The following BEND5 variants were observed in gnomAD, a reference collection of about 807,000 sequenced individuals.
BEND5 encodes BEN domain containing 5.
BEND5 carries 22 observed loss-of-function variants against 43.9 expected under a neutral mutation model. That is an observed-to-expected ratio of 0.50 (90% CI 0.36 to 0.72). The LOEUF is 0.72. Among genes scored for constraint, BEND5 ranks in the 30% least tolerant of loss-of-function variants. The pLI is 0.00. For synonymous variants in BEND5, 228 were observed against 225.9 expected, an observed-to-expected ratio of 1.01 and a Z score of -0.08; for missense variants, 428 against 550.6, an observed-to-expected ratio of 0.78 and a Z score of 2.23.
At chr1:48,776,562 G>GC in intron 1 of BEND5, 44 bp downstream of exon 1, 6 of 1,016,232 alleles carry the variant, frequency 5.9e-6, no homozygotes, top group Non-Finnish European at 7.7e-6. Flanking sequence ...CGGGGTCCCA[G>GC]CCCCCGCCCG....
In BEND5 at chr1:48,742,724, C is replaced by T. The variant is rs200112741; in HGVS notation, c.793G>A (p.Glu265Lys). 9.9e-6 allele frequency: 16 copies of T among 1,609,576 alleles called. No homozygotes were observed. The highest frequency in any genetic ancestry group is 5.1e-5 in the Admixed American group (3 of 59,382). Reference protein sequence around the residue: ...EKVKSECLEPEPELRSTFSEE... With the variant: ...EKVKSECLEPKPELRSTFSEE... ...CTGAAAGTGCTCCGTAACTCCGGCTCGGGCTCGAGACATTCTGACTTTACT... is the reference window on the plus strand; with the variant it reads ...CTGAAAGTGCTCCGTAACTCCGGCTTGGGCTCGAGACATTCTGACTTTACT... The change falls in exon 4 of 6, where the codon GAG (glutamate) becomes AAG (lysine). Residue 265 changes from glutamate (E) to lysine (K), a missense_variant. Physicochemically the swap from Glu to Lys is moderately conservative, Grantham distance 56. This residue lies in a region of BEND5 where 243 missense variants were observed against 286.4 expected (regional missense o/e 0.85). Transcript: ENST00000371833.
Position 48,757,485 on chromosome 1 carries a change from G to A in BEND5, c.745+1415C>T, listed in dbSNP as rs1486678516. ...TGGCCAAGGCAATGGTAGAGTTGGG[G>A]AGTGGACAAAGTCCAGCCTATGAAT... On this transcript the variant is annotated intron_variant, in intron 3 of 5. Coordinates refer to ENST00000371833, the MANE Select transcript of BEND5 (RefSeq NM_024603.4). Among the ~76,000 whole-genome samples, 5 of 152,186 alleles carry A rather than the reference G, an allele frequency of 3.3e-5. No homozygotes were observed. In the South Asian group the frequency reaches 6.2e-4, roughly 19 times the overall value.
intron 5 of BEND5, among the ~76,000 whole-genome samples, chr1:48,731,006 G>C (rs1648037868): frequency 6.6e-6 from 1 of 152,174 alleles, no homozygotes; most frequent in South Asian, 2.1e-4. Flanking sequence ...CTCTGCTATC[G>C]GGTAAGGAAC....
At chr1:48,754,244 G>A (rs768411149) in intron 3 of BEND5, among the ~76,000 whole-genome samples, 10 of 152,072 alleles carry the variant, frequency 6.6e-5, no homozygotes, top group Non-Finnish European at 1.3e-4. Flanking sequence ...CTCACACATG[G>A]GGGCTTACCC....
intron 1 of BEND5, among the ~76,000 whole-genome samples, chr1:48,767,983 A>G (rs1269989254): frequency 1.3e-5 from 2 of 152,316 alleles, no homozygotes; most frequent in East Asian, 3.9e-4. Context: ...TAATCCCTAC[A>G]ATAATGCTAC....
intron 3 of BEND5, among the ~76,000 whole-genome samples, chr1:48,745,278 G>A (rs1466182510): frequency 6.6e-6 from 1 of 152,200 alleles, no homozygotes; most frequent in Non-Finnish European, 1.5e-5. Context: ...GGACAGGTGG[G>A]AAGCTGTTCT....
Position 48,742,781 on chromosome 1 carries a change from T to A in BEND5, c.746-10A>T, listed in dbSNP as rs771499627. Reference sequence around the variant, plus strand: ...AGATCAATGGCGGGACCTAGGCAGTTAAGAAAAGAAATCTGTCTAGAACTC... The same window carrying A: ...AGATCAATGGCGGGACCTAGGCAGTAAAGAAAAGAAATCTGTCTAGAACTC... On this transcript the variant is annotated splice_polypyrimidine_tract_variant and intron_variant, in intron 3 of 5. Transcript: ENST00000371833. 6.4e-7 allele frequency: 1 copy of A among 1,554,052 alleles called. No individual in the cohort carries two copies. Among genetic ancestry groups the A allele is most frequent in the Non-Finnish European group, 8.7e-7 (1 of 1,146,108 alleles).
chr1:48,759,389 C>T, intron 2 of BEND5, 105 bp from the exon 3 acceptor site: 2 of 1,459,106 alleles, frequency 1.4e-6, no homozygotes, highest in South Asian at 1.4e-5. Context: ...AATCACAGAA[C>T]ATCAGTGCTT....
At chr1:48,728,738 A>G (rs1343966626) in intron 5 of BEND5, among the ~76,000 whole-genome samples, 1 of 152,224 alleles carries the variant, frequency 6.6e-6, no homozygotes, top group African/African-American at 2.4e-5. Context: ...AGATGTGTGC[A>G]TATTCAACTT....
chr1:48,728,047 G>C lies in BEND5; in HGVS notation c.1109-4C>G. The C allele has an allele frequency of 1.3e-6, 2 of 1,582,238 alleles. No homozygotes were observed. The highest frequency in any genetic ancestry group is 1.7e-6 in the Non-Finnish European group (2 of 1,161,310). ...GCTATTCTGTCATACAAACACTCTAGACGGGGAGAAGAAACAAGGCCAAGG... is the reference window on the plus strand; with the variant it reads ...GCTATTCTGTCATACAAACACTCTACACGGGGAGAAGAAACAAGGCCAAGG... On this transcript the variant is annotated splice_region_variant and splice_polypyrimidine_tract_variant and intron_variant, in intron 5 of 5. Coordinates refer to ENST00000371833, the MANE Select transcript of BEND5 (RefSeq NM_024603.4).
intron 4 of BEND5, among the ~76,000 whole-genome samples, chr1:48,740,135 A>T (rs1056850766): frequency 7.9e-5 from 12 of 152,226 alleles, no homozygotes; most frequent in Non-Finnish European, 1.3e-4. Flanking sequence ...ACATTCACTC[A>T]AGTACAAGGC....
chr1:48,772,242 G>T (rs868612564), intron 1 of BEND5, among the ~76,000 whole-genome samples: 15 of 152,206 alleles, frequency 9.9e-5, no homozygotes, highest in African/African-American at 3.4e-4. Flanking sequence ...CAAAACCAAA[G>T]TGAAAAGAGA....
chr1:48,759,396 G>T (rs1644134398), intron 2 of BEND5, 112 bp from the exon 3 acceptor site: 1 of 1,443,896 alleles, frequency 6.9e-7, no homozygotes, highest in Non-Finnish European at 9.1e-7. Context: ...GAACATCAGT[G>T]CTTGGAGAAA....
At chr1:48,771,737 C>T (rs896605402) in intron 1 of BEND5, among the ~76,000 whole-genome samples, 4 of 152,214 alleles carry the variant, frequency 2.6e-5, no homozygotes, top group African/African-American at 9.6e-5. Context: ...TCACTGCTAA[C>T]TTTGTAGAAG....
chr1:48,731,348 TC>T (rs1648093667), intron 5 of BEND5, among the ~76,000 whole-genome samples: 1 of 152,230 alleles, frequency 6.6e-6, no homozygotes, highest in South Asian at 2.1e-4. Flanking sequence ...AAAGCCCAGT[TC>T]AGCTTGGCTG....
intron 1 of BEND5, among the ~76,000 whole-genome samples, chr1:48,773,404 A>C (rs1359626187): frequency 6.6e-6 from 1 of 152,122 alleles, no homozygotes; most frequent in Non-Finnish European, 1.5e-5. Context: ...GGTGAGTCAA[A>C]CTTTGAGTTA....
At chr1:48,768,942 T>C (rs916880671) in intron 1 of BEND5, among the ~76,000 whole-genome samples, 1 of 152,184 alleles carries the variant, frequency 6.6e-6, no homozygotes, top group African/African-American at 2.4e-5. Context: ...GTTTCAAGGA[T>C]TGTACCCAGC....
intron 3 of BEND5, among the ~76,000 whole-genome samples, chr1:48,745,047 T>C (rs1650523435): frequency 6.6e-6 from 1 of 152,248 alleles, no homozygotes; most frequent in African/African-American, 2.4e-5. Context: ...TTTGCAATCA[T>C]CTGCCTGTCG....
intron 4 of BEND5, among the ~76,000 whole-genome samples, chr1:48,741,931 T>G (rs1246721022): frequency 6.6e-6 from 1 of 152,206 alleles, no homozygotes; most frequent in Non-Finnish European, 1.5e-5. Context: ...TCAGAAAAAT[T>G]TCCTCCCCTG....
Sources: gnomAD v4.1 joint callset for allele counts (sites outside exome capture counted in the v4.1 genomes callset) on GRCh38, gnomAD v4.1.1 for gene constraint, gnomAD v4.1.1 regional missense constraint, MANE v1.5 for transcripts, NCBI Gene and HGNC (gene_info 2026-07-23, HGNC 2026-07-21) for gene names.